KAT2B: variants seen among roughly 807,000 people sequenced by gnomAD.
KAT2B encodes lysine acetyltransferase 2B.
In KAT2B, 36 loss-of-function variants were observed where a neutral mutation model predicts 105.9. The ratio of observed to expected loss-of-function variants is 0.34; its 90% CI spans 0.26 to 0.45. The LOEUF (loss-of-function observed/expected upper bound fraction) is 0.45. KAT2B is among the 20% of genes least tolerant of loss of function. The pLI, the probability that KAT2B is intolerant of heterozygous loss-of-function variation, is 1.00. For synonymous variants in KAT2B, 397 were observed against 377.9 expected, an observed-to-expected ratio of 1.05 and a Z score of -0.59; for missense variants, 820 against 1,021.6, an observed-to-expected ratio of 0.80 and a Z score of 2.69.
intron 2 of KAT2B, among the ~76,000 whole-genome samples, chr3:20,091,332 T>A (rs1373371110): frequency 1.3e-5 from 2 of 152,302 alleles, no homozygotes; most frequent in East Asian, 3.9e-4. Context: ...TGTATTTCTG[T>A]GGTATCAGTT....
chr3:20,149,495 C>CAAAAAAAA lies in KAT2B; in HGVS notation c.2305+1026_2305+1033dup, dbSNP rs56091316. 8.0e-3 allele frequency among the ~76,000 whole-genome samples: 340 copies of CAAAAAAAA among 42,426 alleles called. 18 individuals carry two copies. The highest frequency in any genetic ancestry group is 0.025 in the East Asian group (13 of 510). 27.8% of individuals were successfully genotyped at this position (42,426 alleles called of 152,430 possible). ...TGGGCACTGGAGGGAGACCGTATCTCAAAAAAAAAAAAAAAAAAAAAAAAA... is the reference window on the plus strand; with the variant it reads ...TGGGCACTGGAGGGAGACCGTATCTCAAAAAAAAAAAAAAAAAAAAAAAAAAAAAAAAA... On this transcript the variant is annotated intron_variant, in intron 17 of 17. Coordinates refer to ENST00000263754, the MANE Select transcript of KAT2B (RefSeq NM_003884.5).
At chr3:20,118,819 T>C (rs1258002454) in intron 7 of KAT2B, among the ~76,000 whole-genome samples, 1 of 148,554 alleles carries the variant, frequency 6.7e-6, no homozygotes, top group Non-Finnish European at 1.5e-5. Context: ...ATATTATATA[T>C]ATTTTTTCTC....
chr3:20,068,622 G>A (rs1324929619), intron 1 of KAT2B, among the ~76,000 whole-genome samples: 6 of 151,554 alleles, frequency 4.0e-5, no homozygotes, highest in Admixed American at 3.3e-4. Flanking sequence ...CCCCATCCCC[G>A]GCTACCCCTA....
At chr3:20,080,544 T>C (rs1430068581) in intron 2 of KAT2B, among the ~76,000 whole-genome samples, 9 of 152,242 alleles carry the variant, frequency 5.9e-5, no homozygotes, top group Admixed American at 5.9e-4. Context: ...GTTTGTAATA[T>C]ATTTAGTTCG....
chr3:20,075,736 G>A (rs971991049), intron 2 of KAT2B, among the ~76,000 whole-genome samples: 46 of 152,048 alleles, frequency 3.0e-4, no homozygotes, highest in African/African-American at 8.7e-4. Flanking sequence ...CCCTCTCCAG[G>A]TGCACGACCC....
At position 20,116,140 on chromosome 3, in the gene KAT2B, T is replaced by G. The variant is rs560893880; in HGVS notation, c.1150+1152T>G. 3.9e-5 allele frequency among the ~76,000 whole-genome samples: 6 copies of G among 152,252 alleles called. No individual in the cohort carries two copies. In the South Asian group the frequency reaches 1.2e-3, roughly 32 times the overall value. On this transcript the variant is annotated intron_variant, in intron 7 of 17. Coordinates refer to ENST00000263754, the MANE Select transcript of KAT2B (RefSeq NM_003884.5). The stretch of plus-strand genomic sequence containing the variant: ...TGTATCTCTGGTCCAAAACCTGTAG[T>G]GCTTTGGGGCCTGTCTGTGCCTATT...
chr3:20,061,291 G>A (rs568647642), intron 1 of KAT2B, among the ~76,000 whole-genome samples: 56 of 152,166 alleles, frequency 3.7e-4, no homozygotes, highest in Non-Finnish European at 6.5e-4. Context: ...TCAGGTTGTG[G>A]CATGTGTCAG....
chr3:20,104,281 C>T (rs1698960455), intron 5 of KAT2B, among the ~76,000 whole-genome samples: 1 of 152,040 alleles, frequency 6.6e-6, no homozygotes, highest in Non-Finnish European at 1.5e-5. Flanking sequence ...AGTTCTGAAA[C>T]GTGCTGATTT....
At chr3:20,060,748 G>A (rs1297877981) in intron 1 of KAT2B, among the ~76,000 whole-genome samples, 2 of 151,936 alleles carry the variant, frequency 1.3e-5, no homozygotes, top group African/African-American at 4.8e-5. Flanking sequence ...AACATAGTAA[G>A]ACCCTGTCTC....
In KAT2B at chr3:20,154,031, G is replaced by C. The variant is rs1273285294; in HGVS notation, c.*1506G>C. On this transcript the variant is annotated 3_prime_UTR_variant, in exon 18 of 18. Coordinates refer to ENST00000263754, the MANE Select transcript of KAT2B (RefSeq NM_003884.5). ...TAAAGTGTAAGAAACCACCATGAGT[G>C]GTGTCTAGATTTCTAATGAAGAATC... 6.6e-6 allele frequency: 1 copy of C among 152,530 alleles called. No individual in the cohort carries two copies. Among genetic ancestry groups the C allele is most frequent in the African/African-American group, 2.4e-5 (1 of 41,426 alleles). 9.4% of individuals were successfully genotyped at this position (152,530 alleles called of 1,614,324 possible). A position where few individuals can be genotyped will look rare whatever the true frequency, so the allele number is the denominator to read the frequency against.
intron 9 of KAT2B, among the ~76,000 whole-genome samples, chr3:20,124,166 A>C (rs1230134793): frequency 6.6e-6 from 1 of 152,208 alleles, no homozygotes; most frequent in Non-Finnish European, 1.5e-5. Flanking sequence ...GGGATTTAGT[A>C]ACATTACAGA....
chr3:20,060,065 CTTT>C (rs1698073683), intron 1 of KAT2B, among the ~76,000 whole-genome samples: 1 of 152,200 alleles, frequency 6.6e-6, no homozygotes. Flanking sequence ...GTCAGCACTT[CTTT>C]ATCTTTCATT....
At chr3:20,149,495 C>CAAAAAAAAAAAAAAAAAAAAAAA (rs56091316) in intron 17 of KAT2B, among the ~76,000 whole-genome samples, 55 of 42,432 alleles carry the variant, frequency 1.3e-3, no homozygotes, top group East Asian at 2.0e-3. Context: ...GACCGTATCT[C>CAAAAAAAAAAAAAAAAAAAAAAA]AAAAAAAAAA....
At chr3:20,095,815 G>C (rs1698798470) in intron 3 of KAT2B, among the ~76,000 whole-genome samples, 1 of 152,200 alleles carries the variant, frequency 6.6e-6, no homozygotes, top group South Asian at 2.1e-4. Flanking sequence ...TACCTTTGCA[G>C]GTGGTGATAA....
At position 20,052,070 on chromosome 3, in the gene KAT2B, G is replaced by A. The variant is rs2929406; in HGVS notation, c.303+11290G>A. 2.4e-3 allele frequency among the ~76,000 whole-genome samples: 363 copies of A among 152,216 alleles called. 2 individuals are homozygous for A. Among genetic ancestry groups the A allele is most frequent in the Non-Finnish European group, 4.3e-3 (293 of 68,014 alleles). Reference sequence around the variant, plus strand: ...ACATTCATCTCTAGCATCTAATTGTGCATGTGGTTACCTGCTGCTTTGCAC... The same window carrying A: ...ACATTCATCTCTAGCATCTAATTGTACATGTGGTTACCTGCTGCTTTGCAC... On this transcript the variant is annotated intron_variant, in intron 1 of 17. Transcript: ENST00000263754.
intron 1 of KAT2B, among the ~76,000 whole-genome samples, chr3:20,067,075 C>T (rs1005562119): frequency 2.0e-5 from 3 of 152,148 alleles, no homozygotes; most frequent in Non-Finnish European, 4.4e-5. Flanking sequence ...GTCTCCCTCT[C>T]TTCATTCCTC....
chr3:20,134,970 A>G (rs1009346890), intron 11 of KAT2B, among the ~76,000 whole-genome samples: 1 of 152,138 alleles, frequency 6.6e-6, no homozygotes, highest in African/African-American at 2.4e-5. Flanking sequence ...GTGTTTTTAT[A>G]CTTCAGGACA....
chr3:20,149,495 C>CAAAAAAAAAAAAAAAACAAAA (rs1699834137), intron 17 of KAT2B, among the ~76,000 whole-genome samples: 2 of 42,448 alleles, frequency 4.7e-5, no homozygotes, highest in Admixed American at 3.3e-4. Flanking sequence ...GACCGTATCT[C>CAAAAAAAAAAAAAAAACAAAA]AAAAAAAAAA....
chr3:20,066,837 T>C (rs1054194527), intron 1 of KAT2B, among the ~76,000 whole-genome samples: 2 of 152,096 alleles, frequency 1.3e-5, no homozygotes, highest in African/African-American at 4.8e-5. Context: ...TATTATAATA[T>C]GTAATCAATA....
Sources: allele counts gnomAD v4.1 joint callset (sites outside exome capture counted in the v4.1 genomes callset), GRCh38; gene constraint gnomAD v4.1.1; transcripts MANE v1.5; gene names NCBI Gene and HGNC (gene_info 2026-07-23, HGNC 2026-07-21).